Variants in EIF4ENIF1 observed in about 807,000 individuals in gnomAD.
EIF4ENIF1 encodes eukaryotic translation initiation factor 4E nuclear import factor 1.
EIF4ENIF1 carries 23 observed loss-of-function variants against 110.5 expected under a neutral mutation model. The ratio of observed to expected loss-of-function variants is 0.21; its 90% CI spans 0.15 to 0.29. The LOEUF (loss-of-function observed/expected upper bound fraction) is 0.29, where lower values mean the gene tolerates loss of function less well. Ranked by LOEUF, EIF4ENIF1 falls within the 10% of genes least tolerant of loss-of-function variation. EIF4ENIF1 has a pLI of 1.00. For missense variants in EIF4ENIF1, 1,031 were observed against 1,221.1 expected (o/e 0.84, Z 2.32); for synonymous variants, 440 against 437.0 (o/e 1.01, Z -0.09).
At chr22:31,487,725 G>A (rs2052095862) in intron 2 of EIF4ENIF1, among the ~76,000 whole-genome samples, 1 of 151,160 alleles carries the variant, frequency 6.6e-6, no homozygotes, top group Non-Finnish European at 1.5e-5. Context: ...GGGAGGTCCA[G>A]GCTGCAGTGA....
intron 14 of EIF4ENIF1, among the ~76,000 whole-genome samples, chr22:31,445,372 A>G (rs778196101): frequency 1.5e-4 from 23 of 152,324 alleles, no homozygotes; most frequent in Non-Finnish European, 2.9e-4. Flanking sequence ...TCAAAGGTCA[A>G]GGCCCAAGTA....
intron 2 of EIF4ENIF1, among the ~76,000 whole-genome samples, chr22:31,483,879 G>T (rs1317377052): frequency 6.6e-6 from 1 of 152,092 alleles, no homozygotes; most frequent in African/African-American, 2.4e-5. Context: ...ATAACTTAGG[G>T]GTTCAAGACC....
At chr22:31,457,891 G>A (rs2050876915) in intron 7 of EIF4ENIF1, among the ~76,000 whole-genome samples, 1 of 152,086 alleles carries the variant, frequency 6.6e-6, no homozygotes, top group African/African-American at 2.4e-5. Context: ...ATTGGGGAGT[G>A]TATCCAAAAT....
chr22:31,440,757 C>G lies in EIF4ENIF1; in HGVS notation c.2663G>C (p.Arg888Pro). 6.2e-7 allele frequency: 1 copy of G among 1,613,936 alleles called. No individual in the cohort carries two copies. The highest frequency in any genetic ancestry group is 2.2e-5 in the East Asian group (1 of 44,884). The change falls in exon 18 of 19, where the codon CGT becomes CCT. Residue 888 changes from arginine to proline, a missense_variant. Arg to Pro is a moderately radical substitution (Grantham distance 103, BLOSUM62 -2). Coordinates refer to ENST00000330125, the MANE Select transcript of EIF4ENIF1 (RefSeq NM_019843.4). The stretch of plus-strand genomic sequence containing the variant: ...TGCCAGATGCAGAGGTGTTCCAGGA[C>G]GAGGGTTTAAGAGAGGGTGACTAGC... ...PAASHPLLNP[R>P]PGTPLHLAMV...
At chr22:31,493,187 C>T (rs1168541241), upstream of EIF4ENIF1, among the ~76,000 whole-genome samples, 6 of 152,130 alleles carry the variant, frequency 3.9e-5, no homozygotes, top group African/African-American at 4.8e-5. Context: ...CCCGCCACCA[C>T]GCCCGGCTAA....
At chr22:31,462,208 C>A (rs1330201575) in intron 6 of EIF4ENIF1, among the ~76,000 whole-genome samples, 1 of 152,116 alleles carries the variant, frequency 6.6e-6, no homozygotes, top group Non-Finnish European at 1.5e-5. Flanking sequence ...AGGGGCTGGG[C>A]ATGGTGGCTC....
chr22:31,487,569 G>T (rs917783536), intron 2 of EIF4ENIF1, among the ~76,000 whole-genome samples: 16 of 152,066 alleles, frequency 1.1e-4, no homozygotes, highest in African/African-American at 3.9e-4. Context: ...GGCCAAGGTG[G>T]GCGGATTGCT....
chr22:31,444,693 G>A lies in EIF4ENIF1; in HGVS notation c.1989-3C>T, dbSNP rs777659796. 1 of 1,613,954 alleles carries A rather than the reference G, an allele frequency of 6.2e-7. No homozygotes were observed. Among genetic ancestry groups the A allele is most frequent in the Non-Finnish European group, 8.5e-7 (1 of 1,179,886 alleles). On this transcript the variant is annotated splice_region_variant and splice_polypyrimidine_tract_variant and intron_variant, in intron 14 of 18. Transcript: ENST00000330125. ...GTGACTTGGTCACTCGCTGTTGCCT[G>A]TGAACAAACCAATTATCAGCATGAA...
At chr22:31,486,062 G>A (rs1463713151) in intron 2 of EIF4ENIF1, among the ~76,000 whole-genome samples, 6 of 149,354 alleles carry the variant, frequency 4.0e-5, no homozygotes, top group Non-Finnish European at 9.0e-5. Context: ...GCGAGGTCAG[G>A]AGTTTGAGAC....
Position 31,439,977 on chromosome 22 carries a change from C to T in EIF4ENIF1, c.2861G>A (p.Gly954Asp), listed in dbSNP as rs766008983. 5.6e-5 allele frequency: 91 copies of T among 1,613,914 alleles called. No individual in the cohort carries two copies. Among genetic ancestry groups the T allele is most frequent in the Non-Finnish European group, 7.6e-5 (90 of 1,179,950 alleles). ...ATCTGAGCCAAACCATTTGGCAAGG[C>T]CCACAGGGGAGCTGCTCCTCTGGCT... ...RPSQRSSSPVGLAKWFGSDVL... is the reference protein window; with the variant it reads ...RPSQRSSSPVDLAKWFGSDVL... The change falls in exon 19 of 19, where the codon GGC becomes GAC. Residue 954 changes from glycine to aspartate, a missense_variant. By Grantham distance (94) the Gly-to-Asp change is moderately conservative (BLOSUM62 -1). This residue lies in a region of EIF4ENIF1 where 18 missense variants were observed against 42.3 expected (regional missense o/e 0.43). Transcript: ENST00000330125.
Position 31,482,066 on chromosome 22 carries a change from G to A in EIF4ENIF1, c.96+6557C>T, listed in dbSNP as rs148608782. On this transcript the variant is annotated intron_variant, in intron 2 of 18. Transcript: ENST00000330125. ...CACACCTGTAGTCCTAGCTACTCAGGAGGCTGAGGTGGAAGGATCGCATGA... is the reference window on the plus strand; with the variant it reads ...CACACCTGTAGTCCTAGCTACTCAGAAGGCTGAGGTGGAAGGATCGCATGA... Among the ~76,000 whole-genome samples, 528 of 151,992 alleles carry A rather than the reference G, an allele frequency of 3.5e-3. 14 individuals are homozygous for A. Among genetic ancestry groups the A allele is most frequent in the Admixed American group, 0.026 (398 of 15,240 alleles).
intron 10 of EIF4ENIF1, among the ~76,000 whole-genome samples, chr22:31,453,036 G>GA (rs35992559): frequency 0.23 from 34,486 of 151,874 alleles, 5,042 homozygotes; most frequent in East Asian, 0.46. Flanking sequence ...CAGGGAACAG[G>GA]AAAAAAAGAG....
chr22:31,463,110 A>G lies in EIF4ENIF1; in HGVS notation c.609T>C (p.Arg203=). The G allele has an allele frequency of 1.2e-6, 2 of 1,614,104 alleles. No individual in the cohort carries two copies. Among genetic ancestry groups the G allele is most frequent in the Non-Finnish European group, 1.7e-6 (2 of 1,180,016 alleles). ...RFRREFGDSK[R]VFGERRRNDS... Reference sequence around the variant, plus strand: ...CATTTCTTCTACGCTCACCAAAGACACGCTTACTATCTCCAAACTCTCTCT... The same window carrying G: ...CATTTCTTCTACGCTCACCAAAGACGCGCTTACTATCTCCAAACTCTCTCT... The change falls in exon 6 of 19, where the codon CGT becomes CGC. Residue 203 remains arginine (R), a synonymous_variant. Transcript: ENST00000330125.
At chr22:31,471,648 G>A (rs761110775) in intron 3 of EIF4ENIF1, among the ~76,000 whole-genome samples, 196 bp downstream of exon 3, 4 of 152,158 alleles carry the variant, frequency 2.6e-5, no homozygotes, top group Non-Finnish European at 5.9e-5. Flanking sequence ...CTGACTATGT[G>A]ACTCTGACCA....
chr22:31,487,862 TA>T (rs1199182762), intron 2 of EIF4ENIF1, among the ~76,000 whole-genome samples: 1 of 149,648 alleles, frequency 6.7e-6, no homozygotes, highest in Non-Finnish European at 1.5e-5. Context: ...AACTAGGATA[TA>T]ACCCTTCTTG....
At chr22:31,453,436 G>A (rs557198401) in intron 10 of EIF4ENIF1, 16 of 333,692 alleles carry the variant, frequency 4.8e-5, no homozygotes, top group African/African-American at 1.3e-4. Context: ...GTGCAGTGGC[G>A]TGACCTCGGC....
upstream of EIF4ENIF1, among the ~76,000 whole-genome samples, chr22:31,492,544 C>T (rs1055076780): frequency 3.3e-5 from 5 of 152,122 alleles, no homozygotes; most frequent in African/African-American, 4.8e-5. Context: ...CATTTCTTAC[C>T]TCTCAAAGTC....
intron 10 of EIF4ENIF1, 24 bp from the exon 11 acceptor site, chr22:31,450,384 G>A: frequency 1.2e-6 from 2 of 1,600,306 alleles, no homozygotes; most frequent in Non-Finnish European, 1.7e-6. Context: ...AAGAAAACTG[G>A]TTTTAACTTT....
At position 31,441,004 on chromosome 22, in the gene EIF4ENIF1, C is replaced by T. The variant is rs1411624094; in HGVS notation, c.2552-136G>A. The T allele has an allele frequency of 9.7e-6, 12 of 1,231,616 alleles. No individual in the cohort carries two copies. In the African/African-American group the frequency reaches 1.1e-4, roughly 11 times the overall value. The allele number at this position is 1,231,616 out of a possible 1,614,324, so 76.3% of individuals were successfully genotyped here. On this transcript the variant is annotated intron_variant, in intron 17 of 18. Transcript: ENST00000330125. The stretch of plus-strand genomic sequence containing the variant: ...TGCGCAGTGGCTCACGCCTGTAATC[C>T]CCAGCACTTTGGGAGGCCAAAGCAG...
Sources: gnomAD v4.1 joint callset for allele counts (sites outside exome capture counted in the v4.1 genomes callset) on GRCh38, gnomAD v4.1.1 for gene constraint, gnomAD v4.1.1 regional missense constraint, MANE v1.5 for transcripts, NCBI Gene and HGNC (gene_info 2026-07-23, HGNC 2026-07-21) for gene names.